The following NAV3 variants were observed in gnomAD, a reference collection of about 807,000 sequenced individuals.
The protein encoded by NAV3 is neuron navigator 3.
Under a neutral mutation model 244.7 loss-of-function variants are expected in NAV3, and 87 were observed. That is an observed-to-expected ratio of 0.36 (90% CI 0.30 to 0.42). The LOEUF is 0.42. Ranked by LOEUF, NAV3 falls within the 20% of genes least tolerant of loss-of-function variation. The probability of loss-of-function intolerance (pLI) is 1.00; values close to 1 mark genes in which losing one functional copy is unlikely to be tolerated. For synonymous variants in NAV3, 1,126 were observed against 1,042.2 expected (o/e 1.08, Z -1.55); for missense variants, 2,663 against 2,893.3 (o/e 0.92, Z 1.83).
At chr12:77,607,936 A>G (rs892445475) in intron 2 of NAV3, among the ~76,000 whole-genome samples, 5 of 152,126 alleles carry the variant, frequency 3.3e-5, no homozygotes, top group Admixed American at 6.6e-5. Context: ...CAAATGATCT[A>G]TTATTTCACA....
At chr12:77,722,196 A>G (rs1361545303) in intron 2 of NAV3, among the ~76,000 whole-genome samples, 2 of 152,092 alleles carry the variant, frequency 1.3e-5, no homozygotes, top group African/African-American at 4.8e-5. Context: ...GTAGAAGGAA[A>G]GGTATAAAAA....
chr12:77,783,081 C>T (rs1870743833), intron 2 of NAV3, among the ~76,000 whole-genome samples: 1 of 151,768 alleles, frequency 6.6e-6, no homozygotes, highest in Non-Finnish European at 1.5e-5. Flanking sequence ...TTCATTTGTA[C>T]CATCAACTGT....
intron 2 of NAV3, among the ~76,000 whole-genome samples, chr12:77,672,619 A>T (rs1233369146): frequency 2.0e-5 from 3 of 151,922 alleles, no homozygotes; most frequent in Non-Finnish European, 4.4e-5. Flanking sequence ...ATGTATGTAT[A>T]TGTATAAGCT....
At chr12:77,689,521 C>A (rs1435825048) in intron 2 of NAV3, among the ~76,000 whole-genome samples, 1 of 151,910 alleles carries the variant, frequency 6.6e-6, no homozygotes, top group Non-Finnish European at 1.5e-5. Context: ...GTGTTAAGAT[C>A]TCTGTGAACT....
intron 1 of NAV3, among the ~76,000 whole-genome samples, chr12:77,895,741 T>G (rs1421395012): frequency 1.3e-5 from 2 of 150,312 alleles, no homozygotes; most frequent in South Asian, 2.1e-4. Flanking sequence ...CCCTCTTGTT[T>G]TTTTTTTTTT....
At position 77,947,117 on chromosome 12, in the gene NAV3, C is replaced by T. The variant is rs182415272; in HGVS notation, c.414+5984C>T. 2.2e-4 allele frequency among the ~76,000 whole-genome samples: 33 copies of T among 152,044 alleles called. 1 individual carries two copies. The stretch of plus-strand genomic sequence containing the variant: ...AATTTGCTGATATGAATATTTTTGG[C>T]TTCTTATTCCTTTTTAAATCCTAGT... On this transcript the variant is annotated intron_variant, in intron 3 of 39. Coordinates refer to ENST00000397909, the MANE Select transcript of NAV3 (RefSeq NM_001024383.2).
At chr12:78,069,509 C>T (rs899371438) in intron 12 of NAV3, among the ~76,000 whole-genome samples, 3 of 151,838 alleles carry the variant, frequency 2.0e-5, no homozygotes, top group South Asian at 2.1e-4. Flanking sequence ...ACCCTGCTTT[C>T]TTCACTGTAT....
chr12:77,842,359 G>C (rs1033843168), intron 1 of NAV3, among the ~76,000 whole-genome samples: 1 of 152,012 alleles, frequency 6.6e-6, no homozygotes, highest in African/African-American at 2.4e-5. Context: ...CATCCTGAAA[G>C]CAGGTCTCTC....
chr12:78,004,173 T>C (rs1475719670), intron 7 of NAV3, among the ~76,000 whole-genome samples: 3 of 152,230 alleles, frequency 2.0e-5, no homozygotes, highest in Non-Finnish European at 2.9e-5. Flanking sequence ...TAAGTTTTCA[T>C]TTTCTCATTT....
At chr12:77,804,638 T>C (rs747831184) in intron 2 of NAV3, among the ~76,000 whole-genome samples, 1 of 152,196 alleles carries the variant, frequency 6.6e-6, no homozygotes, top group Non-Finnish European at 1.5e-5. Context: ...TCCTTAGGAT[T>C]GTCTTGGATA....
chr12:78,167,930 A>T lies in NAV3; in HGVS notation c.4870-825A>T, dbSNP rs147063302. ...AAAATGAGTTATTTCTGATAAAATA[A>T]TTCACTTAAATAATTATGAAAGTTC... On this transcript the variant is annotated intron_variant, in intron 23 of 39. Coordinates refer to ENST00000397909, the MANE Select transcript of NAV3 (RefSeq NM_001024383.2). Among the ~76,000 whole-genome samples, 360 of 151,778 alleles carry T rather than the reference A, an allele frequency of 2.4e-3. 1 individual carries two copies. Among genetic ancestry groups the T allele is most frequent in the Admixed American group, 4.5e-3 (68 of 15,164 alleles).
At chr12:77,664,925 C>T (rs1873647696) in intron 2 of NAV3, among the ~76,000 whole-genome samples, 1 of 152,070 alleles carries the variant, frequency 6.6e-6, no homozygotes, top group African/African-American at 2.4e-5. Context: ...TATTTATTTT[C>T]TAAGAGACAA....
chr12:78,210,523 G>GA lies in NAV3; in HGVS notation c.*12dup, dbSNP rs1594066901. On this transcript the variant is annotated 3_prime_UTR_variant, in exon 40 of 40. Coordinates refer to ENST00000397909, the MANE Select transcript of NAV3 (RefSeq NM_001024383.2). ...CTCTTGAATCTACCCTCTAGAGGGT[G>GA]AAAAAAGTTAAGGGAAAAGACTTTG... 1.2e-6 allele frequency: 2 copies of GA among 1,606,256 alleles called. No homozygotes were observed. Among genetic ancestry groups the GA allele is most frequent in the South Asian group, 1.1e-5 (1 of 89,344 alleles).
chr12:77,891,864 C>T (rs997908237), intron 1 of NAV3, among the ~76,000 whole-genome samples: 2 of 152,146 alleles, frequency 1.3e-5, no homozygotes, highest in East Asian at 1.9e-4. Context: ...TTTATCCTAC[C>T]TGGAAGGTGT....
intron 2 of NAV3, among the ~76,000 whole-genome samples, chr12:77,579,928 C>T (rs1310973856): frequency 6.6e-6 from 1 of 152,108 alleles, no homozygotes; most frequent in East Asian, 1.9e-4. Flanking sequence ...ATAGTTACAG[C>T]AGTTGAAACA....
At position 78,180,975 on chromosome 12, in the gene NAV3, C is replaced by T. The variant is rs1958473376; in HGVS notation, c.5622C>T (p.Ser1874=). ...RPPSESSSST[S]SSSSRQSLGL... The stretch of plus-strand genomic sequence containing the variant: ...CGTCAGAATCCTCAAGCAGCACCTC[C>T]TCTTCATCTTCCAGGCAGTCATTAG... Residue 1874 remains serine (S), a synonymous_variant, in exon 30 of 40, where the codon TCC becomes TCT. Transcript: ENST00000397909. 3.7e-6 allele frequency: 6 copies of T among 1,613,196 alleles called. No individual in the cohort carries two copies. The highest frequency in any genetic ancestry group is 1.7e-5 in the Admixed American group (1 of 59,932).
rs372022380 is a variant in NAV3, at chr12:77,713,129, CT to C, written c.72+140865del. Among the ~76,000 whole-genome samples, 270 of 152,278 alleles carry C rather than the reference CT, an allele frequency of 1.8e-3. 1 individual carries two copies. Among genetic ancestry groups the C allele is most frequent in the African/African-American group, 6.2e-3 (259 of 41,568 alleles). On this transcript the variant is annotated intron_variant, in intron 2 of 8. Transcript: ENST00000550042. The stretch of plus-strand genomic sequence containing the variant: ...GGCTTTTTCAATTGATCACACTTCA[CT>C]TAAGGGCCACACCTGTGCACGCCTG...
chr12:77,756,007 T>A (rs1479522960), intron 2 of NAV3, among the ~76,000 whole-genome samples: 1 of 152,142 alleles, frequency 6.6e-6, no homozygotes, highest in Non-Finnish European at 1.5e-5. Flanking sequence ...GTCTTTGAAA[T>A]AGATCAACTT....
At chr12:77,830,045 T>A (rs2136061015), upstream of NAV3, among the ~76,000 whole-genome samples, 1 of 152,328 alleles carries the variant, frequency 6.6e-6, no homozygotes, top group African/African-American at 2.4e-5. Flanking sequence ...TGCAATCAGT[T>A]TCAGAACAAT....
Sources: allele counts gnomAD v4.1 joint callset (sites outside exome capture counted in the v4.1 genomes callset), GRCh38; gene constraint gnomAD v4.1.1; transcripts MANE v1.5; gene names NCBI Gene and HGNC (gene_info 2026-07-23, HGNC 2026-07-21).